SPDL1: variants seen among roughly 807,000 people sequenced by gnomAD.
SPDL1 encodes the protein protein Spindly.
In SPDL1, 85 loss-of-function variants were observed where a neutral mutation model predicts 79.5. The observed-to-expected ratio is 1.07, with a 90% CI of 0.90 to 1.28. The LOEUF (loss-of-function observed/expected upper bound fraction) is 1.28, where lower values mean the gene tolerates loss of function less well. Ranked by LOEUF, SPDL1 falls within the 50% of genes most tolerant of loss-of-function variation. The probability of loss-of-function intolerance (pLI) is 0.00; values close to 1 mark genes in which losing one functional copy is unlikely to be tolerated. For missense variants in SPDL1, 703 were observed against 697.8 expected (o/e 1.01, Z -0.08); for synonymous variants, 269 against 240.3 (o/e 1.12, Z -1.10).
rs1561878401 is a variant in SPDL1, at chr5:169,601,595, A to G, written c.1640A>G (p.Glu547Gly). Residue 547 changes from glutamate to glycine, a missense_variant, in exon 11 of 12, where the codon GAA becomes GGA. By Grantham distance (98) the Glu-to-Gly change is moderately conservative. Transcript: ENST00000265295. ...GVPADAEALS[E>G]RSGNTPNSPR... The stretch of plus-strand genomic sequence containing the variant: ...CCCGCTGACGCTGAGGCCTTAAGTG[A>G]AAGAAGTGGAAACACCCCTAACTCT... 6.2e-7 allele frequency: 1 copy of G among 1,614,160 alleles called. No individual in the cohort carries two copies. Among genetic ancestry groups the G allele is most frequent in the Non-Finnish European group, 8.5e-7 (1 of 1,180,030 alleles).
chr5:169,592,984 G>A (rs577846110), intron 3 of SPDL1, among the ~76,000 whole-genome samples: 32 of 151,678 alleles, frequency 2.1e-4, no homozygotes, highest in African/African-American at 7.0e-4. Context: ...CATCTATGAC[G>A]CTACTGCCAC....
Position 169,604,413 on chromosome 5 carries a change from T to G in SPDL1, c.*206T>G. ...CTTAAGTGATGCCCCTTCATGGAGC[T>G]TCTATGACAGTGAATAAACTATTAA... On this transcript the variant is annotated 3_prime_UTR_variant, in exon 12 of 12. Transcript: ENST00000265295. The G allele has an allele frequency of 2.8e-6, 1 of 355,202 alleles. No homozygotes were observed. The highest frequency in any genetic ancestry group is 5.0e-6 in the Non-Finnish European group (1 of 198,178). 22.0% of individuals were successfully genotyped at this position (355,202 alleles called of 1,614,324 possible).
At chr5:169,598,354 T>C (rs1179835365) in intron 8 of SPDL1, 122 bp from the exon 9 acceptor site, 1 of 609,090 alleles carries the variant, frequency 1.6e-6, no homozygotes, top group Non-Finnish European at 2.9e-6. Context: ...ATTAAATGGG[T>C]AGTTCTTAGC....
rs397884840 is a variant in SPDL1, at chr5:169,592,214, CTTTTT to C, written c.336+1006_336+1010del. ...ACATCAATGAAAGTATTTTTTTTTC[CTTTTT>C]TTTTTTTTTTTTTTTGAGGCAGAGT... On this transcript the variant is annotated intron_variant, in intron 3 of 11. Transcript: ENST00000265295. Among the ~76,000 whole-genome samples the C allele has an allele frequency of 2.9e-4, 28 of 97,076 alleles. No homozygotes were observed. In the Admixed American group the frequency reaches 3.4e-3, roughly 12 times the overall value. 63.7% of individuals were successfully genotyped at this position (97,076 alleles called of 152,430 possible). A position where few individuals can be genotyped will look rare whatever the true frequency, so the allele number is the denominator to read the frequency against.
chr5:169,594,453 C>T lies in SPDL1; in HGVS notation c.741C>T (p.Ala247=), dbSNP rs1383535358. ...AGTTGGACCAGGCACTCCAGCAAGC[C>T]TTGGATCCCAATAGTAAAGGCAACT... ...QVQLDQALQQ[A]LDPNSKGNSL... is the part of the protein sequence containing the mutation. Residue 247 remains alanine (A), a synonymous_variant, in exon 6 of 12, where the codon GCC becomes GCT. Coordinates refer to ENST00000265295, the MANE Select transcript of SPDL1 (RefSeq NM_017785.5). 1 of 1,613,966 alleles carries T rather than the reference C, an allele frequency of 6.2e-7. No individual in the cohort carries two copies. The highest frequency in any genetic ancestry group is 1.3e-5 in the African/African-American group (1 of 74,908).
chr5:169,594,175 C>CA lies in SPDL1; in HGVS notation c.564dup (p.Tyr189IlefsTer12), dbSNP rs903708492. ...CCTCAAAGAAGAAGTGAATGAACTA[C>CA]AATACAGACAAGAACAGCTAGAACT... On this transcript the variant is annotated frameshift_variant, in exon 5 of 12. Coordinates refer to ENST00000265295, the MANE Select transcript of SPDL1 (RefSeq NM_017785.5). LOFTEE classifies it high-confidence loss of function. 3 of 1,612,236 alleles carry CA rather than the reference C, an allele frequency of 1.9e-6. No individual in the cohort carries two copies. Among genetic ancestry groups the CA allele is most frequent in the Admixed American group, 1.7e-5 (1 of 59,634 alleles).
In SPDL1 at chr5:169,586,693, A is replaced by G. The variant is rs530661053; in HGVS notation, c.-23-1701A>G. On this transcript the variant is annotated intron_variant, in intron 1 of 11. Coordinates refer to ENST00000265295, the MANE Select transcript of SPDL1 (RefSeq NM_017785.5). ...TTCCCTTTTTCACACATCCCAAATT[A>G]TATCTTTCAGAAAATCATATTGACC... 2.8e-4 allele frequency among the ~76,000 whole-genome samples: 43 copies of G among 152,310 alleles called. 3 individuals carry two copies. The South Asian group carries it at 7.5e-3, about 26-fold the overall frequency.
intron 7 of SPDL1, chr5:169,596,250 C>T: frequency 4.7e-6 from 1 of 214,384 alleles, no homozygotes; most frequent in Non-Finnish European, 9.1e-6. Context: ...AAGCAGTCTG[C>T]AGCGTTTGGC....
At chr5:169,591,347 T>C in intron 3 of SPDL1, 123 bp downstream of exon 3, 1 of 922,858 alleles carries the variant, frequency 1.1e-6, no homozygotes, top group East Asian at 2.7e-5. Context: ...TAAGTCTTCA[T>C]TATCTTAATA....
chr5:169,598,281 A>G (rs1028772813), intron 8 of SPDL1, among the ~76,000 whole-genome samples, 195 bp from the exon 9 acceptor site: 6 of 152,144 alleles, frequency 3.9e-5, no homozygotes, highest in Non-Finnish European at 5.9e-5. Flanking sequence ...CTGTATTCGG[A>G]GCCTGTTTCC....
At position 169,588,513 on chromosome 5, in the gene SPDL1, A is replaced by G. The variant is rs1207179626; in HGVS notation, c.97A>G (p.Ser33Gly). ...AAQYGLQLVE[S>G]QNELQNQLDK... ...ACAGTATGGTTTACAACTAGTAGAG[A>G]GTCAAAATGAATTACAGAATCAATT... The change falls in exon 2 of 12, where the codon AGT becomes GGT. Residue 33 changes from serine (S) to glycine (G), a missense_variant. Transcript: ENST00000265295. 2 of 1,613,866 alleles carry G rather than the reference A, an allele frequency of 1.2e-6. No homozygotes were observed. The highest frequency in any genetic ancestry group is 1.7e-6 in the Non-Finnish European group (2 of 1,179,844).
intron 3 of SPDL1, 108 bp from the exon 4 acceptor site, chr5:169,593,246 C>T: frequency 1.0e-6 from 1 of 970,962 alleles, no homozygotes; most frequent in Non-Finnish European, 1.5e-6. Context: ...AAATAGGAAA[C>T]TCCAATAGTA....
chr5:169,603,248 G>T (rs1756028532), intron 11 of SPDL1, among the ~76,000 whole-genome samples: 1 of 151,738 alleles, frequency 6.6e-6, no homozygotes, highest in Admixed American at 6.6e-5. Flanking sequence ...CTTCACTATT[G>T]CATGCTTTAC....
In SPDL1 at chr5:169,596,701, G is replaced by T. The variant is rs1581309579; in HGVS notation, c.1032G>T (p.Lys344Asn). The part of the protein sequence containing the change: ...LGEIRNLEKF[K>N]NLYDSMESKP... Reference sequence around the variant, plus strand: ...AAATTAGAAATCTGGAGAAATTTAAGGTATGTATAACAGTTAAAAAAACAC... The same window carrying T: ...AAATTAGAAATCTGGAGAAATTTAATGTATGTATAACAGTTAAAAAAACAC... The change falls in exon 8 of 12, where the codon AAG becomes AAT. Residue 344 changes from lysine (K) to asparagine (N), a missense_variant and splice_region_variant. Coordinates refer to ENST00000265295, the MANE Select transcript of SPDL1 (RefSeq NM_017785.5). The T allele has an allele frequency of 6.3e-7, 1 of 1,592,086 alleles. No homozygotes were observed. Among genetic ancestry groups the T allele is most frequent in the Non-Finnish European group, 8.5e-7 (1 of 1,173,492 alleles).
chr5:169,601,728 T>A, intron 11 of SPDL1, 103 bp downstream of exon 11: 1 of 1,060,498 alleles, frequency 9.4e-7, no homozygotes, highest in Non-Finnish European at 1.4e-6. Flanking sequence ...TTCTTACAAT[T>A]GCATGCAGTA....
In SPDL1 at chr5:169,601,394, T is replaced by C; in HGVS notation, c.1439T>C (p.Leu480Ser). Residue 480 changes from leucine to serine, a missense_variant, in exon 11 of 12, where the codon TTA (leucine) becomes TCA (serine). Transcript: ENST00000265295. The stretch of plus-strand genomic sequence containing the variant: ...GCTCTCGGGGGAGAAGTTTATCGAT[T>C]ACCGCCTCAGAAAGAGGAGACACAG... ...NSALGGEVYR[L>S]PPQKEETQSC... is the part of the protein sequence containing the mutation. The C allele has an allele frequency of 6.2e-7, 1 of 1,614,170 alleles. No homozygotes were observed. The highest frequency in any genetic ancestry group is 8.5e-7 in the Non-Finnish European group (1 of 1,180,028).
chr5:169,603,918 A>T, intron 11 of SPDL1, 142 bp from the exon 12 acceptor site: 1 of 729,516 alleles, frequency 1.4e-6, no homozygotes, highest in Non-Finnish European at 2.1e-6. Context: ...CCAGTGACTT[A>T]ATATTCTTAC....
At position 169,604,131 on chromosome 5, in the gene SPDL1, A is replaced by T; in HGVS notation, c.1742A>T (p.Glu581Val). The T allele has an allele frequency of 1.9e-6, 3 of 1,613,606 alleles. No individual in the cohort carries two copies. Among genetic ancestry groups the T allele is most frequent in the East Asian group, 4.5e-5 (2 of 44,852 alleles). ...GAAACTTCAAGCAAATTGGAAAAAG[A>T]AACTTGTAAGAAATTACACCCTATT... is the stretch of plus-strand genomic sequence containing the variant. ...GKETSSKLEK[E>V]TCKKLHPILY... The change falls in exon 12 of 12, where the codon GAA (glutamate) becomes GTA (valine). Residue 581 changes from glutamate to valine, a missense_variant. Transcript: ENST00000265295.
At chr5:169,585,433 T>C (rs1365542543) in intron 1 of SPDL1, among the ~76,000 whole-genome samples, 1 of 152,222 alleles carries the variant, frequency 6.6e-6, no homozygotes, top group Non-Finnish European at 1.5e-5. Context: ...TTGAATAAAC[T>C]AAAGCAAATT....
Sources: gnomAD v4.1 joint callset for allele counts (sites outside exome capture counted in the v4.1 genomes callset) on GRCh38, gnomAD v4.1.1 for gene constraint, MANE v1.5 for transcripts, NCBI Gene and HGNC (gene_info 2026-07-23, HGNC 2026-07-21) for gene names.